Variants in THSD7A observed in about 807,000 individuals in gnomAD.
THSD7A encodes the protein thrombospondin type 1 domain containing 7A.
Under a neutral mutation model 231.3 loss-of-function variants are expected in THSD7A, and 96 were observed. The observed-to-expected ratio is 0.41, with a 90% CI of 0.35 to 0.49. THSD7A has a LOEUF of 0.49. Ranked by LOEUF, THSD7A falls within the 20% of genes least tolerant of loss-of-function variation. The pLI, the probability that THSD7A is intolerant of heterozygous loss-of-function variation, is 0.05. For missense variants in THSD7A, 2,290 were observed against 2,070.2 expected, an observed-to-expected ratio of 1.11 and a Z score of -2.06; for synonymous variants, 940 against 743.3, an observed-to-expected ratio of 1.26 and a Z score of -4.30.
chr7:11,699,475 C>T (rs1335499451), intron 1 of THSD7A, among the ~76,000 whole-genome samples: 3 of 151,090 alleles, frequency 2.0e-5, no homozygotes, highest in African/African-American at 7.3e-5. Flanking sequence ...ATTTTCTTAT[C>T]AGTTTGTTTG....
At chr7:11,574,296 G>A (rs1450125585) in intron 4 of THSD7A, among the ~76,000 whole-genome samples, 2 of 152,086 alleles carry the variant, frequency 1.3e-5, no homozygotes, top group African/African-American at 4.8e-5. Context: ...CTTTGTGACA[G>A]CAGGAATAGT....
chr7:11,747,791 A>G (rs1254578450), intron 1 of THSD7A, among the ~76,000 whole-genome samples: 1 of 151,948 alleles, frequency 6.6e-6, no homozygotes, highest in Non-Finnish European at 1.5e-5. Context: ...TCTCAGAGGA[A>G]GTAATATTTA....
chr7:11,460,620 TA>T (rs1785469979), intron 11 of THSD7A, 41 bp downstream of exon 11: 2 of 1,512,492 alleles, frequency 1.3e-6, no homozygotes, highest in African/African-American at 1.4e-5. Flanking sequence ...GTAGTTAAAC[TA>T]GCGATGCTGG....
At chr7:11,497,784 A>T (rs1787162985) in intron 6 of THSD7A, among the ~76,000 whole-genome samples, 1 of 152,166 alleles carries the variant, frequency 6.6e-6, no homozygotes, top group African/African-American at 2.4e-5. Context: ...ATTGGGATTA[A>T]TCAAGGAAAC....
chr7:11,692,935 A>G (rs1780279284), intron 1 of THSD7A, among the ~76,000 whole-genome samples: 1 of 151,504 alleles, frequency 6.6e-6, no homozygotes, highest in Non-Finnish European at 1.5e-5. Context: ...CATTTAAGTC[A>G]CTTATCTGGA....
rs1482039949 is a variant in THSD7A at position 11,379,645 on chromosome 7, G to C, written c.4575C>G (p.His1525Gln). Reference protein sequence around the residue: ...RSCNPPCSQPHSYCSETKTCH... With the variant: ...RSCNPPCSQPQSYCSETKTCH... Reference sequence around the variant, plus strand: ...TTTCACATACCTCGCTACAGTACGAGTGGGGTTGACTACACGGTGGGTTAC... The same window carrying C: ...TTTCACATACCTCGCTACAGTACGACTGGGGTTGACTACACGGTGGGTTAC... The change falls in exon 25 of 28, where the codon CAC (histidine) becomes CAG (glutamine). Residue 1525 changes from histidine (H) to glutamine (Q), a missense_variant. Transcript: ENST00000423059. 6.3e-7 allele frequency: 1 copy of C among 1,586,060 alleles called. No homozygotes were observed. The highest frequency in any genetic ancestry group is 8.6e-7 in the Non-Finnish European group (1 of 1,165,330).
In THSD7A at chr7:11,593,367, A is replaced by G. The variant is rs766087713; in HGVS notation, c.1158T>C (p.Arg386=). The G allele has an allele frequency of 6.2e-7, 1 of 1,613,978 alleles. No individual in the cohort carries two copies. Reference sequence around the variant, plus strand: ...ACTGCCTGATGGTTCGTGTCCTTACACGAGTGCCTGCAGGGGACACCATGT... The same window carrying G: ...ACTGCCTGATGGTTCGTGTCCTTACGCGAGTGCCTGCAGGGGACACCATGT... ...CHDMVSPAGT[R]VRTRTIRQFP... is the part of the protein sequence containing the mutation. Residue 386 remains arginine (R), a synonymous_variant, in exon 3 of 28, where the codon CGT becomes CGC. Transcript: ENST00000423059.
Position 11,411,126 on chromosome 7 carries a change from G to T in THSD7A, c.3798+81C>A. Reference sequence around the variant, plus strand: ...ATCTGCTGGCAATGAGCTGCATGGAGCACGGGTCACTTGGCTCAGCATGAA... The same window carrying T: ...ATCTGCTGGCAATGAGCTGCATGGATCACGGGTCACTTGGCTCAGCATGAA... On this transcript the variant is annotated intron_variant, in intron 19 of 27. Coordinates refer to ENST00000423059, the MANE Select transcript of THSD7A (RefSeq NM_015204.3). The surrounding 1 kb of genome is among the most constrained non-coding windows in gnomAD (Gnocchi z 4.1). 2 of 1,020,644 alleles carry T rather than the reference G, an allele frequency of 2.0e-6. No individual in the cohort carries two copies. The highest frequency in any genetic ancestry group is 1.5e-5 in the South Asian group (1 of 67,302). 63.2% of individuals were successfully genotyped at this position (1,020,644 alleles called of 1,614,324 possible).
At position 11,380,315 on chromosome 7, in the gene THSD7A, T is replaced by A. The variant is rs1436321785; in HGVS notation, c.4508-603A>T. On this transcript the variant is annotated intron_variant, in intron 24 of 27. Transcript: ENST00000423059. ...GCTGTTTATCTCGTTTATTTTCAAG[T>A]GTAGTACCAACTGTGCCTAATTTGT... Among the ~76,000 whole-genome samples, 3 of 152,184 alleles carry A rather than the reference T, an allele frequency of 2.0e-5. No homozygotes were observed. In the South Asian group the frequency reaches 6.2e-4, roughly 32 times the overall value.
intron 11 of THSD7A, among the ~76,000 whole-genome samples, chr7:11,459,208 T>C (rs1785412507): frequency 6.6e-6 from 1 of 152,152 alleles, no homozygotes; most frequent in South Asian, 2.1e-4. Flanking sequence ...TCTTTTTTTT[T>C]AATCTAAATA....
chr7:11,410,768 C>G (rs941391199), intron 19 of THSD7A, among the ~76,000 whole-genome samples: 7 of 151,968 alleles, frequency 4.6e-5, no homozygotes, highest in Non-Finnish European at 1.0e-4. Context: ...ATGGTCACAG[C>G]TGGGTATTAG....
At chr7:11,513,992 C>A (rs1333609992) in intron 6 of THSD7A, among the ~76,000 whole-genome samples, 3 of 151,866 alleles carry the variant, frequency 2.0e-5, no homozygotes, top group African/African-American at 7.3e-5. Flanking sequence ...GACATCCTGC[C>A]TCCTGCCATT....
intron 6 of THSD7A, among the ~76,000 whole-genome samples, chr7:11,495,350 CTTA>C (rs1365049348): frequency 6.6e-6 from 1 of 151,802 alleles, no homozygotes; most frequent in Non-Finnish European, 1.5e-5. Context: ...GCCGTAGGTG[CTTA>C]TGAGAAAAAT....
At chr7:11,516,828 G>A (rs534403451) in intron 6 of THSD7A, among the ~76,000 whole-genome samples, 1 of 152,198 alleles carries the variant, frequency 6.6e-6, no homozygotes, top group East Asian at 1.9e-4. Flanking sequence ...CAGGGATATG[G>A]CACCAATTGT....
rs756443010 is a variant in THSD7A, at chr7:11,469,889, C to T, written c.2358G>A (p.Ser786=). ...CTCTGCAGACCATACCTTCTTTACACGAAGAGGGGCATGATGTCCAGTCAC... is the reference window on the plus strand; with the variant it reads ...CTCTGCAGACCATACCTTCTTTACATGAAGAGGGGCATGATGTCCAGTCAC... ...PYSDWTSCPS[S]CKEGDSSIRK... The change falls in exon 9 of 28, where the codon TCG becomes TCA. Residue 786 remains serine, a synonymous_variant. Coordinates refer to ENST00000423059, the MANE Select transcript of THSD7A (RefSeq NM_015204.3). 102 of 1,591,690 alleles carry T rather than the reference C, an allele frequency of 6.4e-5. No homozygotes were observed. In the Admixed American group the frequency reaches 1.1e-3, roughly 17 times the overall value.
intron 1 of THSD7A, among the ~76,000 whole-genome samples, chr7:11,822,098 C>T (rs1364080146): frequency 6.6e-6 from 1 of 152,114 alleles, no homozygotes; most frequent in Non-Finnish European, 1.5e-5. Context: ...TTGTTACATG[C>T]ATAGGTTGCA....
At chr7:11,731,661 G>A (rs10499409) in intron 1 of THSD7A, among the ~76,000 whole-genome samples, 61,726 of 151,128 alleles carry the variant, frequency 0.41, 12,638 homozygotes, top group Admixed American at 0.49. Context: ...AATAATGCAA[G>A]CAATAAGCCA....
intron 1 of THSD7A, among the ~76,000 whole-genome samples, chr7:11,734,042 T>A (rs1212591006): frequency 1.3e-5 from 2 of 151,910 alleles, no homozygotes. Context: ...CTTTCTAGGA[T>A]CTCTCCCTTG....
chr7:11,442,969 T>A (rs186503488), intron 13 of THSD7A, among the ~76,000 whole-genome samples: 4 of 152,210 alleles, frequency 2.6e-5, no homozygotes, highest in Admixed American at 2.6e-4. Context: ...GAGTTGACAA[T>A]ACTAAAATAA....
Sources: gnomAD v4.1 joint callset for allele counts (sites outside exome capture counted in the v4.1 genomes callset) on GRCh38, gnomAD v4.1.1 for gene constraint, Gnocchi (gnomAD v3.1) non-coding constraint, MANE v1.5 for transcripts, NCBI Gene and HGNC (gene_info 2026-07-23, HGNC 2026-07-21) for gene names.